Variants in DPH6 observed in about 807,000 individuals in gnomAD.
DPH6 encodes diphthamine biosynthesis 6, also known as diphthine--ammonia ligase.
DPH6 carries 33 observed loss-of-function variants against 38.2 expected under a neutral mutation model. The ratio of observed to expected loss-of-function variants is 0.86; its 90% CI spans 0.65 to 1.15. DPH6 has a LOEUF of 1.15. Among genes scored for constraint, DPH6 ranks in the 50% most tolerant of loss-of-function variants. The probability of loss-of-function intolerance (pLI) is 0.00; values close to 1 mark genes in which losing one functional copy is unlikely to be tolerated. For missense variants in DPH6, 325 were observed against 320.0 expected, an observed-to-expected ratio of 1.02 and a Z score of -0.12; for synonymous variants, 108 against 103.0, an observed-to-expected ratio of 1.05 and a Z score of -0.30.
At chr15:35,479,826 C>G (rs192825666) in intron 3 of DPH6, among the ~76,000 whole-genome samples, 1 of 151,840 alleles carries the variant, frequency 6.6e-6, no homozygotes, top group Non-Finnish European at 1.5e-5. Context: ...ATAAAAAGCA[C>G]GATTTACACA....
At chr15:35,365,468 C>G (rs943522538) in intron 3 of DPH6, among the ~76,000 whole-genome samples, 4 of 152,186 alleles carry the variant, frequency 2.6e-5, no homozygotes, top group African/African-American at 9.6e-5. Context: ...CAAACTGGAA[C>G]TTTATGAAAA....
chr15:35,347,457 C>CT (rs767042543), intron 3 of DPH6, among the ~76,000 whole-genome samples: 2,140 of 140,386 alleles, frequency 0.015, 25 homozygotes, highest in African/African-American at 0.044. Context: ...CAGCCTCCTC[C>CT]TTTTTTTTTT....
downstream of DPH6, among the ~76,000 whole-genome samples, chr15:35,369,386 AT>A (rs528894098): frequency 2.5e-4 from 38 of 151,954 alleles, no homozygotes; most frequent in African/African-American, 8.4e-4. Flanking sequence ...ATACAATGTG[AT>A]TTTGATAAAA....
intron 5 of DPH6, among the ~76,000 whole-genome samples, chr15:35,414,798 T>A (rs1351435630): frequency 6.6e-6 from 1 of 151,746 alleles, no homozygotes; most frequent in Non-Finnish European, 1.5e-5. Flanking sequence ...CCCACTGAAG[T>A]TTTTTTTCAT....
chr15:35,485,010 T>A (rs943457635), intron 3 of DPH6, among the ~76,000 whole-genome samples: 4 of 152,086 alleles, frequency 2.6e-5, no homozygotes, highest in Admixed American at 6.6e-5. Flanking sequence ...GAAAAAAAAA[T>A]TAACATTTAT....
chr15:35,519,404 G>A (rs2054890477), intron 3 of DPH6: 1 of 151,914 alleles, frequency 6.6e-6, no homozygotes, highest in African/African-American at 2.4e-5. Flanking sequence ...TCCTATCAGA[G>A]TTCAACTTCA....
chr15:35,522,375 G>T, intron 3 of DPH6: 2 of 1,217,256 alleles, frequency 1.6e-6, no homozygotes, highest in Non-Finnish European at 2.3e-6. Flanking sequence ...CACCAGTCAG[G>T]CTGTCTCTGC....
chr15:35,394,080 T>C (rs2053096092), intron 6 of DPH6, among the ~76,000 whole-genome samples: 1 of 152,184 alleles, frequency 6.6e-6, no homozygotes, highest in Admixed American at 6.5e-5. Flanking sequence ...TCTGACTCCT[T>C]TCCTTCCTGC....
intron 3 of DPH6, among the ~76,000 whole-genome samples, chr15:35,510,541 G>A (rs1196088516): frequency 6.6e-6 from 1 of 152,152 alleles, no homozygotes; most frequent in Non-Finnish European, 1.5e-5. Context: ...GATTCTTCTA[G>A]TGGTAACCAT....
At chr15:35,180,302 T>C in the DPH6 span, among the ~76,000 whole-genome samples, 1 of 152,070 alleles carries the variant, frequency 6.6e-6, no homozygotes, top group African/African-American at 2.4e-5. Context: ...TATCCTCACA[T>C]AGTAATTGCA....
intron 7 of DPH6, among the ~76,000 whole-genome samples, chr15:35,377,454 T>C (rs527717826): frequency 6.6e-6 from 1 of 152,188 alleles, no homozygotes; most frequent in African/African-American, 2.4e-5. Context: ...TAAAAATGTA[T>C]ACATGAAGAG....
chr15:35,429,446 A>G (rs1218179122), intron 5 of DPH6, among the ~76,000 whole-genome samples: 1 of 152,126 alleles, frequency 6.6e-6, no homozygotes, highest in African/African-American at 2.4e-5. Flanking sequence ...AGCTATTTCA[A>G]TAACAACTGT....
chr15:35,191,750 TCAGA>T, the DPH6 span, among the ~76,000 whole-genome samples: 2 of 152,116 alleles, frequency 1.3e-5, no homozygotes, highest in Non-Finnish European at 2.9e-5. Flanking sequence ...AAAACAACCC[TCAGA>T]CAATTGACTG....
chr15:35,483,502 T>C (rs1595404108), intron 3 of DPH6, among the ~76,000 whole-genome samples: 1 of 147,898 alleles, frequency 6.8e-6, no homozygotes, highest in South Asian at 2.1e-4. Flanking sequence ...AAAACCATAA[T>C]GAGATACCAA....
intron 3 of DPH6, among the ~76,000 whole-genome samples, chr15:35,286,618 T>G (rs1360205703): frequency 6.6e-6 from 1 of 152,214 alleles, no homozygotes; most frequent in Non-Finnish European, 1.5e-5. Flanking sequence ...AAAAGAATTG[T>G]AAAGTCTAAA....
At chr15:35,470,346 C>A (rs1322831741) in intron 3 of DPH6, among the ~76,000 whole-genome samples, 2 of 151,690 alleles carry the variant, frequency 1.3e-5, no homozygotes, top group African/African-American at 2.4e-5. Flanking sequence ...CCAAGTATCA[C>A]AAAGAGGTCG....
the DPH6 span, among the ~76,000 whole-genome samples, chr15:35,206,565 T>C: frequency 6.6e-6 from 1 of 152,180 alleles, no homozygotes; most frequent in Non-Finnish European, 1.5e-5. Flanking sequence ...CTGCTCCAAA[T>C]ATTGTTTTTA....
At chr15:35,534,585 T>C (rs1017300278) in intron 3 of DPH6, among the ~76,000 whole-genome samples, 3 of 151,478 alleles carry the variant, frequency 2.0e-5, no homozygotes, top group Non-Finnish European at 4.4e-5. Context: ...AACAAGAAAG[T>C]AGGGAAATTT....
chr15:35,154,923 A>C, the DPH6 span, among the ~76,000 whole-genome samples: 1 of 152,220 alleles, frequency 6.6e-6, no homozygotes, highest in East Asian at 1.9e-4. Flanking sequence ...ATAGCAAAAA[A>C]TATCTATTCA....
Sources: gnomAD v4.1 joint callset for allele counts (sites outside exome capture counted in the v4.1 genomes callset) on GRCh38, gnomAD v4.1.1 for gene constraint, MANE v1.5 for transcripts, NCBI Gene and HGNC (gene_info 2026-07-23, HGNC 2026-07-21) for gene names.